Variants in TRPM3 observed in about 807,000 individuals in gnomAD.
The protein encoded by TRPM3 is transient receptor potential cation channel subfamily M member 3.
In TRPM3, 77 loss-of-function variants were observed where a neutral mutation model predicts 181.2. The observed-to-expected ratio is 0.42, with a 90% CI of 0.35 to 0.51. The LOEUF (loss-of-function observed/expected upper bound fraction) is 0.51. Ranked by LOEUF, TRPM3 falls within the 20% of genes least tolerant of loss-of-function variation. The pLI is 0.01. For synonymous variants in TRPM3, 745 were observed against 796.4 expected (o/e 0.94, Z 1.09); for missense variants, 1,759 against 2,196.7 (o/e 0.80, Z 3.98).
intron 1 of TRPM3, among the ~76,000 whole-genome samples, chr9:71,192,900 T>A (rs1051381906): frequency 1.3e-5 from 2 of 151,872 alleles, no homozygotes; most frequent in Non-Finnish European, 2.9e-5. Context: ...TTAACCAGCT[T>A]GATTGTGGTA....
At chr9:71,257,417 G>A (rs1406048276) in intron 1 of TRPM3, among the ~76,000 whole-genome samples, 1 of 152,092 alleles carries the variant, frequency 6.6e-6, no homozygotes, top group African/African-American at 2.4e-5. Flanking sequence ...GAAAACAGGA[G>A]GAAGAACAGT....
At chr9:71,051,230 G>A (rs910596426) in intron 1 of TRPM3, among the ~76,000 whole-genome samples, 20 of 152,058 alleles carry the variant, frequency 1.3e-4, no homozygotes, top group African/African-American at 7.2e-5. Context: ...CCTCTACTTC[G>A]TAACTGGTTG....
At chr9:71,103,945 C>A (rs954647709) in intron 1 of TRPM3, among the ~76,000 whole-genome samples, 3 of 151,002 alleles carry the variant, frequency 2.0e-5, no homozygotes, top group Non-Finnish European at 4.4e-5. Flanking sequence ...GACAGAGTCT[C>A]GTTTTGTTGC....
intron 1 of TRPM3, among the ~76,000 whole-genome samples, chr9:71,264,609 G>T (rs2083267242): frequency 6.6e-6 from 1 of 152,120 alleles, no homozygotes; most frequent in South Asian, 2.1e-4. Context: ...ACATTTATTT[G>T]ACCCTTAGGA....
chr9:70,744,436 C>T (rs1000650317), intron 8 of TRPM3, among the ~76,000 whole-genome samples: 1 of 152,072 alleles, frequency 6.6e-6, no homozygotes, highest in Non-Finnish European at 1.5e-5. Context: ...TTCTGATGAG[C>T]TAGCATAATT....
intron 1 of TRPM3, among the ~76,000 whole-genome samples, chr9:71,290,947 G>T (rs2085756830): frequency 6.6e-6 from 1 of 151,958 alleles, no homozygotes; most frequent in Non-Finnish European, 1.5e-5. Context: ...TATTAGAAAT[G>T]AAGACAGATA....
At chr9:71,021,510 G>A (rs576278015) in intron 1 of TRPM3, among the ~76,000 whole-genome samples, 1 of 152,142 alleles carries the variant, frequency 6.6e-6, no homozygotes, top group Non-Finnish European at 1.5e-5. Context: ...ACAAGGGGTT[G>A]TTACTTAGCA....
intron 1 of TRPM3, among the ~76,000 whole-genome samples, chr9:70,969,752 G>T (rs1013524376): frequency 1.3e-4 from 9 of 69,218 alleles, no homozygotes; most frequent in Middle Eastern, 7.2e-3. Flanking sequence ...AAGACTGAAT[G>T]ATTTTATATA....
chr9:71,034,584 G>A (rs1250204249), intron 1 of TRPM3, among the ~76,000 whole-genome samples: 1 of 151,964 alleles, frequency 6.6e-6, no homozygotes, highest in East Asian at 1.9e-4. Context: ...CTTGGGGGTG[G>A]AGGTGGGCAG....
intron 1 of TRPM3, among the ~76,000 whole-genome samples, chr9:70,944,666 C>A (rs527854891): frequency 3.9e-5 from 6 of 152,130 alleles, no homozygotes; most frequent in African/African-American, 1.2e-4. Flanking sequence ...CCAGGAGATA[C>A]TTGATTTAGG....
intron 1 of TRPM3, among the ~76,000 whole-genome samples, chr9:71,013,776 C>T (rs2097764175): frequency 6.6e-6 from 1 of 151,918 alleles, no homozygotes; most frequent in African/African-American, 2.4e-5. Context: ...CCATTGCCAT[C>T]TCTTGTTTTG....
intron 1 of TRPM3, among the ~76,000 whole-genome samples, chr9:71,075,526 T>C (rs1044720513): frequency 6.6e-6 from 1 of 152,188 alleles, no homozygotes. Context: ...TGAAAACAAC[T>C]ATCCCCTCTC....
chr9:70,584,440 A>T (rs1031182068), intron 22 of TRPM3, among the ~76,000 whole-genome samples: 48 of 152,164 alleles, frequency 3.2e-4, no homozygotes, highest in Admixed American at 2.9e-3. Context: ...AAGTCTTCCC[A>T]TTCACACCTT....
intron 1 of TRPM3, among the ~76,000 whole-genome samples, chr9:71,333,138 G>A (rs2090327729): frequency 6.6e-6 from 1 of 151,826 alleles, no homozygotes. Flanking sequence ...ACTCAACAGA[G>A]ATCACAAACT....
intron 1 of TRPM3, among the ~76,000 whole-genome samples, chr9:70,940,386 TTA>T (rs977651124): frequency 1.3e-5 from 2 of 152,228 alleles, no homozygotes; most frequent in Non-Finnish European, 2.9e-5. Flanking sequence ...TAGGACTTCA[TTA>T]GAATATAAGG....
chr9:71,129,012 AAC>A (rs1002496851), intron 1 of TRPM3, among the ~76,000 whole-genome samples: 8 of 152,216 alleles, frequency 5.3e-5, no homozygotes, highest in African/African-American at 1.9e-4. Context: ...TCACCTGGGA[AAC>A]AGAGACATAC....
intron 1 of TRPM3, among the ~76,000 whole-genome samples, chr9:71,346,234 T>C (rs1418690428): frequency 1.3e-5 from 2 of 152,166 alleles, no homozygotes; most frequent in Non-Finnish European, 2.9e-5. Flanking sequence ...CAAGGATGAA[T>C]CGTTAAAGTA....
intron 1 of TRPM3, among the ~76,000 whole-genome samples, chr9:70,869,297 C>T (rs1054425860): frequency 2.6e-5 from 4 of 151,902 alleles, no homozygotes; most frequent in African/African-American, 7.3e-5. Flanking sequence ...AACAAATCCC[C>T]GGAGAGATCG....
chr9:70,653,038 G>C (rs1444235460), intron 9 of TRPM3, among the ~76,000 whole-genome samples: 1 of 152,150 alleles, frequency 6.6e-6, no homozygotes, highest in Non-Finnish European at 1.5e-5. Context: ...TACAGCAGAA[G>C]GGGGAAAAGC....
Sources: gnomAD v4.1 joint callset for allele counts (sites outside exome capture counted in the v4.1 genomes callset) on GRCh38, gnomAD v4.1.1 for gene constraint, MANE v1.5 for transcripts, NCBI Gene and HGNC (gene_info 2026-07-23, HGNC 2026-07-21) for gene names.